Variants in IMMP2L observed in about 807,000 individuals in gnomAD.
IMMP2L encodes the protein mitochondrial inner membrane protease subunit 2.
Under a neutral mutation model 19.3 loss-of-function variants are expected in IMMP2L, and 18 were observed. The ratio of observed to expected loss-of-function variants is 0.93; its 90% confidence interval spans 0.64 to 1.38. The LOEUF is 1.38. Ranked by LOEUF, IMMP2L falls within the 40% of genes most tolerant of loss-of-function variation. The pLI is 0.00. For synonymous variants in IMMP2L, 76 were observed against 73.0 expected (o/e 1.04, Z -0.21); for missense variants, 233 against 218.2 (o/e 1.07, Z -0.43).
At chr7:111,153,995 CAAATT>C (rs1804358847) in intron 3 of IMMP2L, among the ~76,000 whole-genome samples, 1 of 152,036 alleles carries the variant, frequency 6.6e-6, no homozygotes, top group South Asian at 2.1e-4. Context: ...CACATTTCAT[CAAATT>C]ATTCTCCCAG....
At chr7:111,217,126 T>TCTCTCACACACACACA (rs1472700586) in intron 3 of IMMP2L, among the ~76,000 whole-genome samples, 6 of 123,996 alleles carry the variant, frequency 4.8e-5, no homozygotes, top group African/African-American at 1.9e-4. Context: ...TCTCTCTCTC[T>TCTCTCACACACACACA]CACACACACA....
At chr7:111,083,055 T>G (rs1586151207) in intron 3 of IMMP2L, among the ~76,000 whole-genome samples, 1 of 152,336 alleles carries the variant, frequency 6.6e-6, no homozygotes, top group East Asian at 1.9e-4. Context: ...GTGCAAATGT[T>G]GCCTTTTGTA....
intron 3 of IMMP2L, among the ~76,000 whole-genome samples, chr7:111,361,679 A>T (rs1428697612): frequency 6.6e-6 from 1 of 152,050 alleles, no homozygotes; most frequent in East Asian, 1.9e-4. Context: ...GCTTTCCATA[A>T]AAAAAGTGTT....
intron 1 of IMMP2L, among the ~76,000 whole-genome samples, chr7:111,546,507 A>AT (rs1294179765): frequency 9.9e-5 from 15 of 152,230 alleles, no homozygotes; most frequent in African/African-American, 3.6e-4. Context: ...CTCTTTATAT[A>AT]TTTATGAAAT....
intron 3 of IMMP2L, among the ~76,000 whole-genome samples, chr7:111,221,100 A>T (rs1812465606): frequency 6.6e-6 from 1 of 152,042 alleles, no homozygotes; most frequent in East Asian, 1.9e-4. Flanking sequence ...GACACATAAA[A>T]TTAACCACCA....
At chr7:110,684,138 G>C (rs1016128574) in intron 5 of IMMP2L, among the ~76,000 whole-genome samples, 2 of 152,052 alleles carry the variant, frequency 1.3e-5, no homozygotes, top group African/African-American at 4.8e-5. Flanking sequence ...ATATAACATA[G>C]TAGCAATAAA....
At chr7:110,769,425 A>T (rs141824670) in intron 5 of IMMP2L, among the ~76,000 whole-genome samples, 1 of 152,130 alleles carries the variant, frequency 6.6e-6, no homozygotes, top group Non-Finnish European at 1.5e-5. Context: ...TTATGCTGGG[A>T]TTGATTGTCC....
chr7:111,301,664 T>C (rs956302868), intron 3 of IMMP2L, among the ~76,000 whole-genome samples: 9 of 152,042 alleles, frequency 5.9e-5, no homozygotes, highest in Non-Finnish European at 1.2e-4. Context: ...GGTTCATTAT[T>C]TTACCTGTGA....
chr7:111,543,720 C>T (rs912325813), intron 1 of IMMP2L, among the ~76,000 whole-genome samples: 9 of 152,062 alleles, frequency 5.9e-5, no homozygotes, highest in African/African-American at 2.2e-4. Context: ...TTAGATTTTC[C>T]AAGAGAGAAT....
At chr7:111,157,714 C>A (rs1470387731) in intron 3 of IMMP2L, among the ~76,000 whole-genome samples, 1 of 151,932 alleles carries the variant, frequency 6.6e-6, no homozygotes, top group Non-Finnish European at 1.5e-5. Flanking sequence ...CATTTAAAAA[C>A]TAAAAGAGTG....
chr7:111,395,667 A>G (rs1204170295), intron 3 of IMMP2L, among the ~76,000 whole-genome samples: 1 of 152,200 alleles, frequency 6.6e-6, no homozygotes, highest in African/African-American at 2.4e-5. Context: ...TTGAAAGCAT[A>G]GTATAATTTA....
intron 3 of IMMP2L, among the ~76,000 whole-genome samples, chr7:111,258,619 A>G (rs1816980451): frequency 6.6e-6 from 1 of 151,892 alleles, no homozygotes; most frequent in East Asian, 1.9e-4. Context: ...CAATTCTCAC[A>G]CCTCAGCCTC....
At chr7:111,385,297 T>G (rs1207391669) in intron 3 of IMMP2L, among the ~76,000 whole-genome samples, 1 of 152,154 alleles carries the variant, frequency 6.6e-6, no homozygotes, top group African/African-American at 2.4e-5. Flanking sequence ...ATCTTGGATT[T>G]GCATTGCTTA....
At chr7:110,896,761 A>G (rs1276172872) in intron 4 of IMMP2L, among the ~76,000 whole-genome samples, 1 of 151,912 alleles carries the variant, frequency 6.6e-6, no homozygotes, top group Non-Finnish European at 1.5e-5. Context: ...GGTCTTTTGC[A>G]TATGCTAGTA....
chr7:111,143,998 G>A (rs1251834199), intron 3 of IMMP2L, among the ~76,000 whole-genome samples: 1 of 152,022 alleles, frequency 6.6e-6, no homozygotes, highest in East Asian at 1.9e-4. Context: ...TTCCATCTCA[G>A]TGTCACAGAT....
chr7:111,059,923 GA>G (rs36062072), intron 3 of IMMP2L, among the ~76,000 whole-genome samples: 60,123 of 137,866 alleles, frequency 0.44, 13,838 homozygotes, highest in Non-Finnish European at 0.56. Context: ...GCCTAATTGT[GA>G]AAAAAAAAAA....
chr7:111,030,874 G>GTT (rs1790702136), intron 3 of IMMP2L, among the ~76,000 whole-genome samples: 1 of 19,370 alleles, frequency 5.2e-5, no homozygotes, highest in Admixed American at 7.3e-4. Context: ...GTGTATGTGT[G>GTT]TGTGTGTGTG....
intron 3 of IMMP2L, among the ~76,000 whole-genome samples, chr7:111,378,918 C>T (rs1249905365): frequency 1.3e-5 from 2 of 151,768 alleles, no homozygotes; most frequent in Non-Finnish European, 2.9e-5. Flanking sequence ...TGTAGTTATT[C>T]TGCATGAGAA....
At chr7:111,341,837 C>T (rs1013767249) in intron 3 of IMMP2L, among the ~76,000 whole-genome samples, 5 of 152,224 alleles carry the variant, frequency 3.3e-5, no homozygotes, top group South Asian at 2.1e-4. Context: ...CACCTTTATG[C>T]GGAGATTCAC....
Sources: gnomAD v4.1 joint callset for allele counts (sites outside exome capture counted in the v4.1 genomes callset) on GRCh38, gnomAD v4.1.1 for gene constraint, MANE v1.5 for transcripts, NCBI Gene and HGNC (gene_info 2026-07-23, HGNC 2026-07-21) for gene names.